Variants in C7orf78 observed in about 807,000 individuals in gnomAD.
C7orf78 encodes the protein putative uncharacterized protein C7orf78.
chr7:12,536,052 G>T, the C7orf78 span, among the ~76,000 whole-genome samples: 1 of 152,134 alleles, frequency 6.6e-6, no homozygotes, highest in Non-Finnish European at 1.5e-5. Flanking sequence ...ACCATTCTGG[G>T]GTCTGTAGGA....
chr7:12,511,406 T>C, the C7orf78 span, among the ~76,000 whole-genome samples: 1 of 152,218 alleles, frequency 6.6e-6, no homozygotes, highest in Non-Finnish European at 1.5e-5. Context: ...TCTATTTCTG[T>C]GAAAAATGTC....
chr7:12,525,047 A>T, the C7orf78 span, among the ~76,000 whole-genome samples: 1 of 152,158 alleles, frequency 6.6e-6, no homozygotes, highest in Admixed American at 6.5e-5. Context: ...ACTTGGTCTC[A>T]TGTTGTATTC....
the C7orf78 span, among the ~76,000 whole-genome samples, chr7:12,489,231 A>G: frequency 6.6e-6 from 1 of 152,100 alleles, no homozygotes; most frequent in Admixed American, 6.6e-5. Context: ...GTCACATTAC[A>G]TCATTATTAA....
the C7orf78 span, among the ~76,000 whole-genome samples, chr7:12,510,347 GC>G: frequency 6.6e-6 from 1 of 151,974 alleles, no homozygotes. Context: ...ACCATGCCTG[GC>G]TAATTTCTGT....
At chr7:12,489,669 A>G in the C7orf78 span, among the ~76,000 whole-genome samples, 1 of 152,134 alleles carries the variant, frequency 6.6e-6, no homozygotes, top group Non-Finnish European at 1.5e-5. Context: ...GGGCAAGACA[A>G]ATACTATTTG....
chr7:12,536,275 G>C, the C7orf78 span, among the ~76,000 whole-genome samples: 560 of 152,244 alleles, frequency 3.7e-3, 7 homozygotes, highest in African/African-American at 0.013. Flanking sequence ...CTTGACTTCT[G>C]TGCACTCACA....
At chr7:12,491,278 G>C in the C7orf78 span, 2 of 152,140 alleles carry the variant, frequency 1.3e-5, no homozygotes, top group Non-Finnish European at 2.9e-5. Flanking sequence ...TCTGCAGATG[G>C]TGTTAATGGT....
At chr7:12,508,690 G>A in the C7orf78 span, among the ~76,000 whole-genome samples, 2 of 152,164 alleles carry the variant, frequency 1.3e-5, no homozygotes, top group South Asian at 2.1e-4. Flanking sequence ...ACAACAGGAG[G>A]TGAACAGAGG....
the C7orf78 span, among the ~76,000 whole-genome samples, chr7:12,529,471 ACT>A: frequency 6.6e-6 from 1 of 152,218 alleles, no homozygotes; most frequent in Admixed American, 6.5e-5. Flanking sequence ...AAGAAGCCAA[ACT>A]CTGTAAAATA....
the C7orf78 span, among the ~76,000 whole-genome samples, chr7:12,524,811 C>G: frequency 1.3e-5 from 2 of 151,930 alleles, no homozygotes; most frequent in South Asian, 4.2e-4. Context: ...CCACTGCACT[C>G]CATCTCAAAA....
At chr7:12,489,461 C>T in the C7orf78 span, among the ~76,000 whole-genome samples, 1 of 152,142 alleles carries the variant, frequency 6.6e-6, no homozygotes, top group Non-Finnish European at 1.5e-5. Flanking sequence ...TTTGAAAACT[C>T]AGTAGATCCT....
chr7:12,490,754 C>T, the C7orf78 span, among the ~76,000 whole-genome samples: 1 of 151,798 alleles, frequency 6.6e-6, no homozygotes, highest in Admixed American at 6.6e-5. Context: ...CAAAGCAAAA[C>T]ATACTTGCAA....
chr7:12,497,604 T>G, the C7orf78 span, among the ~76,000 whole-genome samples: 1 of 152,210 alleles, frequency 6.6e-6, no homozygotes, highest in Non-Finnish European at 1.5e-5. Flanking sequence ...GTCTCGCTGA[T>G]TGCTAGCACA....
chr7:12,514,553 A>G, the C7orf78 span, among the ~76,000 whole-genome samples: 1 of 151,784 alleles, frequency 6.6e-6, no homozygotes, highest in Non-Finnish European at 1.5e-5. Context: ...GTTATTATTG[A>G]TTTTTGAAGT....
chr7:12,507,019 A>G, the C7orf78 span: 1 of 445,290 alleles, frequency 2.2e-6, no homozygotes. Flanking sequence ...AAAGCTAGAA[A>G]AGGGCCGGGC....
At chr7:12,512,880 T>C in the C7orf78 span, among the ~76,000 whole-genome samples, 16 of 152,182 alleles carry the variant, frequency 1.1e-4, no homozygotes, top group African/African-American at 3.9e-4. Context: ...GGTTTTCTAT[T>C]CTTCCTGATT....
At chr7:12,513,598 T>A in the C7orf78 span, among the ~76,000 whole-genome samples, 1 of 152,306 alleles carries the variant, frequency 6.6e-6, no homozygotes, top group Admixed American at 6.5e-5. Flanking sequence ...TATTCCACTG[T>A]GGTTGAGAAA....
At chr7:12,502,474 AT>A in the C7orf78 span, among the ~76,000 whole-genome samples, 1 of 151,920 alleles carries the variant, frequency 6.6e-6, no homozygotes, top group Non-Finnish European at 1.5e-5. Flanking sequence ...CAAAAAACAC[AT>A]GAAAAAATGC....
At chr7:12,514,854 A>G in the C7orf78 span, among the ~76,000 whole-genome samples, 2 of 151,600 alleles carry the variant, frequency 1.3e-5, no homozygotes, top group African/African-American at 2.4e-5. Context: ...TCTGGGAAAG[A>G]CTTTATTTAT....
Sources: gnomAD v4.1 joint callset for allele counts (sites outside exome capture counted in the v4.1 genomes callset) on GRCh38, gnomAD v4.1.1 for gene constraint, MANE v1.5 for transcripts, NCBI Gene and HGNC (gene_info 2026-07-23, HGNC 2026-07-21) for gene names.